CDK10: variants seen among roughly 807,000 people sequenced by gnomAD.
CDK10 encodes cyclin-dependent kinase 10.
Under a neutral mutation model 51.0 loss-of-function variants are expected in CDK10, and 55 were observed. The ratio of observed to expected loss-of-function variants is 1.08; its 90% CI spans 0.87 to 1.35. The LOEUF (loss-of-function observed/expected upper bound fraction) is 1.35, where lower values mean the gene tolerates loss of function less well. Among genes scored for constraint, CDK10 ranks in the 40% most tolerant of loss-of-function variants. CDK10 has a pLI of 0.00. For missense variants in CDK10, 589 were observed against 485.1 expected, an observed-to-expected ratio of 1.21 and a Z score of -2.01; for synonymous variants, 255 against 199.1, an observed-to-expected ratio of 1.28 and a Z score of -2.36.
chr16:89,692,698 C>A, intron 6 of CDK10, 182 bp downstream of exon 6: 1 of 458,124 alleles, frequency 2.2e-6, no homozygotes, highest in Non-Finnish European at 3.9e-6. Context: ...AGGCTGGTCT[C>A]ACACACTTGG....
Position 89,695,041 on chromosome 16 carries a change from C to G in CDK10, c.903C>G (p.His301Gln), listed in dbSNP as rs1227634323. ...CGGAGGCCGGGCTGCGCCTGCTGCA[C>G]TTCCTGTTCATGTACGACCCTAAGA... ...WLSEAGLRLL[H>Q]FLFMYDPKKR... Residue 301 changes from histidine to glutamine, a missense_variant, in exon 11 of 13, where the codon CAC (histidine) becomes CAG (glutamine). His to Gln is a conservative substitution (Grantham distance 24, BLOSUM62 0). Transcript: ENST00000353379. The G allele has an allele frequency of 1.2e-6, 2 of 1,613,194 alleles. No homozygotes were observed. The highest frequency in any genetic ancestry group is 2.2e-5 in the South Asian group (2 of 91,070).
At chr16:89,694,831 GCCCTCT>G (rs768835846) in intron 10 of CDK10, 43 bp downstream of exon 10, 10 of 1,172,392 alleles carry the variant, frequency 8.5e-6, no homozygotes, top group Non-Finnish European at 1.0e-5. Flanking sequence ...CCGTGCCCAC[GCCCTCT>G]GCGCCCGCAG....
At chr16:89,692,081 G>A in intron 5 of CDK10, 194 bp downstream of exon 5, 1 of 613,020 alleles carries the variant, frequency 1.6e-6, no homozygotes, top group Non-Finnish European at 2.9e-6. Flanking sequence ...GCAGCCCCAG[G>A]GCCGAGAGCC....
At position 89,690,556 on chromosome 16, in the gene CDK10, G is replaced by A. The variant is rs2060398962; in HGVS notation, c.164G>A (p.Arg55Gln). 2.5e-6 allele frequency: 4 copies of A among 1,613,966 alleles called. No homozygotes were observed. The highest frequency in any genetic ancestry group is 2.2e-5 in the East Asian group (1 of 44,880). ...IGEGTYGIVYRARDTQTDEIV... is the reference protein window; with the variant it reads ...IGEGTYGIVYQARDTQTDEIV... Reference sequence around the variant, plus strand: ...CACCAATGTGTTTCCATTCCAGATCGGGCCCGGGACACCCAGACAGATGAG... The same window carrying A: ...CACCAATGTGTTTCCATTCCAGATCAGGCCCGGGACACCCAGACAGATGAG... Residue 55 changes from arginine (R) to glutamine (Q), a missense_variant, in exon 3 of 13, where the codon CGG (arginine) becomes CAG (glutamine). By Grantham distance (43) the Arg-to-Gln change is conservative (BLOSUM62 1). Transcript: ENST00000353379.
chr16:89,690,528 C>G, intron 2 of CDK10, 25 bp from the exon 3 acceptor site: 1 of 1,608,446 alleles, frequency 6.2e-7, no homozygotes, highest in Non-Finnish European at 8.5e-7. Flanking sequence ...GAGATGATGT[C>G]ATCACCAATG....
At chr16:89,694,303 T>A (rs780074545) in intron 9 of CDK10, 71 bp downstream of exon 9, 1 of 1,513,924 alleles carries the variant, frequency 6.6e-7, no homozygotes, top group South Asian at 1.1e-5. Context: ...ACCTGGTTCC[T>A]GAGCTCAGCC....
intron 3 of CDK10, 23 bp from the exon 4 acceptor site, chr16:89,691,420 G>T: frequency 6.4e-7 from 1 of 1,569,400 alleles, no homozygotes; most frequent in South Asian, 1.2e-5. Flanking sequence ...GGTGGGGCTC[G>T]CTGAGGCCAC....
chr16:89,690,063 T>G (rs553876981), intron 2 of CDK10: 1 of 160,256 alleles, frequency 6.2e-6, no homozygotes, highest in East Asian at 1.9e-4. Context: ...AGACCCTGTC[T>G]CAAAAAAACC....
chr16:89,695,497 C>G (rs1419824435), intron 12 of CDK10, 98 bp from the exon 13 acceptor site: 37 of 1,495,708 alleles, frequency 2.5e-5, no homozygotes, highest in Non-Finnish European at 3.3e-5. Context: ...CACAGACAGC[C>G]CAGGGCCAGG....
Position 89,695,866 on chromosome 16 carries a change from C to T in CDK10, c.*174C>T. The T allele has an allele frequency of 1.4e-6, 2 of 1,446,286 alleles. No individual in the cohort carries two copies. Among genetic ancestry groups the T allele is most frequent in the Non-Finnish European group, 9.4e-7 (1 of 1,065,406 alleles). The allele number at this position is 1,446,286 out of a possible 1,614,324, so 89.6% of individuals were successfully genotyped here. A position where few individuals can be genotyped will look rare whatever the true frequency, so the allele number is the denominator to read the frequency against. On this transcript the variant is annotated 3_prime_UTR_variant, in exon 13 of 13. Coordinates refer to ENST00000353379, the MANE Select transcript of CDK10 (RefSeq NM_052988.5). ...TCTGCCCTGAACCCACTGCTGCCCC[C>T]AGAAAAAGGCCGGGTGACACCGGGG... is the stretch of plus-strand genomic sequence containing the variant.
chr16:89,690,417 C>A, intron 2 of CDK10, 136 bp from the exon 3 acceptor site: 1 of 731,076 alleles, frequency 1.4e-6, no homozygotes, highest in South Asian at 1.5e-5. Flanking sequence ...AGAGTGGGGA[C>A]TGAGTGTCAC....
At position 89,691,557 on chromosome 16, in the gene CDK10, C is replaced by A; in HGVS notation, c.335+12C>A. On this transcript the variant is annotated intron_variant, in intron 4 of 12. Transcript: ENST00000353379. ...AACCACCTGGAGAGGTACGTGGTCTCCTGGTCTGCACATTGGGCCCTAGGG... is the reference window on the plus strand; with the variant it reads ...AACCACCTGGAGAGGTACGTGGTCTACTGGTCTGCACATTGGGCCCTAGGG... 6.2e-7 allele frequency: 1 copy of A among 1,605,800 alleles called. No individual in the cohort carries two copies. Among genetic ancestry groups the A allele is most frequent in the Non-Finnish European group, 8.5e-7 (1 of 1,173,324 alleles).
chr16:89,693,162 A>G, intron 6 of CDK10, 112 bp from the exon 7 acceptor site: 1 of 915,504 alleles, frequency 1.1e-6, no homozygotes. Context: ...AAGATACTAA[A>G]AAGCCCAAAG....
At position 89,689,341 on chromosome 16, in the gene CDK10, A is replaced by T; in HGVS notation, c.160+17A>T. 1 of 1,609,340 alleles carries T rather than the reference A, an allele frequency of 6.2e-7. No homozygotes were observed. Among genetic ancestry groups the T allele is most frequent in the Admixed American group, 1.7e-5 (1 of 60,006 alleles). On this transcript the variant is annotated intron_variant, in intron 2 of 12. Coordinates refer to ENST00000353379, the MANE Select transcript of CDK10 (RefSeq NM_052988.5). ...GCATTGTGTGTGAGTGGCCAAGGCT[A>T]GGACATGTGGCCGCAGCTCGTGGCT... is the stretch of plus-strand genomic sequence containing the variant.
chr16:89,686,952 G>C (rs1160552950), intron 1 of CDK10, 155 bp downstream of exon 1: 2 of 624,084 alleles, frequency 3.2e-6, no homozygotes, highest in Non-Finnish European at 2.6e-6. Flanking sequence ...CGGAAGCCGG[G>C]GCGGGGCGGG....
chr16:89,691,908 G>A (rs1324173591), intron 5 of CDK10, 21 bp downstream of exon 5: 1 of 1,608,910 alleles, frequency 6.2e-7, no homozygotes, highest in Admixed American at 1.7e-5. Flanking sequence ...GAGGGGCCTG[G>A]GGTGGGGGAA....
chr16:89,688,602 G>A (rs963852906), intron 1 of CDK10, among the ~76,000 whole-genome samples: 5 of 152,166 alleles, frequency 3.3e-5, no homozygotes, highest in Admixed American at 6.5e-5. Context: ...AAGTCACACG[G>A]TCCCTTCAGC....
At chr16:89,694,455 C>A in intron 9 of CDK10, 1 of 908,174 alleles carries the variant, frequency 1.1e-6, no homozygotes, top group African/African-American at 1.6e-5. Flanking sequence ...CTGGAGGAGG[C>A]ACGCCTGCCC....
At position 89,691,612 on chromosome 16, in the gene CDK10, C is replaced by T. The variant is rs1374253004; in HGVS notation, c.335+67C>T. The T allele has an allele frequency of 5.7e-6, 8 of 1,397,414 alleles. No homozygotes were observed. In the Admixed American group the frequency reaches 1.1e-4, roughly 19 times the overall value. 86.6% of individuals were successfully genotyped at this position (1,397,414 alleles called of 1,614,324 possible). A position where few individuals can be genotyped will look rare whatever the true frequency, so the allele number is the denominator to read the frequency against. On this transcript the variant is annotated intron_variant, in intron 4 of 12. Coordinates refer to ENST00000353379, the MANE Select transcript of CDK10 (RefSeq NM_052988.5). Reference sequence around the variant, plus strand: ...TGTGTCTTGGGCTAGAGGTGTTGCACAGAGCGAGGACTGAGTGTCACTGGG... The same window carrying T: ...TGTGTCTTGGGCTAGAGGTGTTGCATAGAGCGAGGACTGAGTGTCACTGGG...
Sources: gnomAD v4.1 joint callset for allele counts (sites outside exome capture counted in the v4.1 genomes callset) on GRCh38, gnomAD v4.1.1 for gene constraint, MANE v1.5 for transcripts, NCBI Gene and HGNC (gene_info 2026-07-23, HGNC 2026-07-21) for gene names.